Variants in FZD6 observed in about 807,000 individuals in gnomAD.
FZD6 encodes frizzled-6.
Under a neutral mutation model 61.4 loss-of-function variants are expected in FZD6, and 49 were observed. That is an observed-to-expected ratio of 0.80 (90% CI 0.63 to 1.01). FZD6 has a LOEUF of 1.01. Among genes scored for constraint, FZD6 ranks in the 50% least tolerant of loss-of-function variants. The pLI is 0.00. For synonymous variants in FZD6, 265 were observed against 292.2 expected, an observed-to-expected ratio of 0.91 and a Z score of 0.95; for missense variants, 724 against 848.2, an observed-to-expected ratio of 0.85 and a Z score of 1.82.
chr8:103,328,141 T>C (rs536810006), intron 4 of FZD6, 127 bp from the exon 5 acceptor site: 1 of 718,484 alleles, frequency 1.4e-6, no homozygotes, highest in East Asian at 2.7e-5. Context: ...CTTCATTATA[T>C]TATTTCAAAC....
chr8:103,328,288 A>G lies in FZD6; in HGVS notation c.1413A>G (p.Pro471=). 1 of 1,611,888 alleles carries G rather than the reference A, an allele frequency of 6.2e-7. No homozygotes were observed. Among genetic ancestry groups the G allele is most frequent in the Non-Finnish European group, 8.5e-7 (1 of 1,178,040 alleles). ...CPYQAKAKAR[P]ELALFMIKYL... ...TGTAGGCAAAAGCAAAAGCTCGACC[A>G]GAATTGGCTTTATTTATGATAAAAT... Residue 471 remains proline, a synonymous_variant, in exon 5 of 7, where the codon CCA becomes CCG. Coordinates refer to ENST00000358755, the MANE Select transcript of FZD6 (RefSeq NM_003506.4).
At chr8:103,300,307 A>G (rs779974159) in intron 2 of FZD6, 23 bp downstream of exon 2, 1 of 1,483,558 alleles carries the variant, frequency 6.7e-7, no homozygotes, top group Middle Eastern at 1.7e-4. Context: ...TCATACGTTT[A>G]TTGAATAGTA....
At chr8:103,310,838 G>A (rs1025025353) in intron 2 of FZD6, among the ~76,000 whole-genome samples, 31 of 152,172 alleles carry the variant, frequency 2.0e-4, no homozygotes, top group South Asian at 4.1e-4. Context: ...TTTGCCATGG[G>A]TTGCCAGATT....
intron 3 of FZD6, among the ~76,000 whole-genome samples, chr8:103,324,076 T>C (rs999200699): frequency 3.3e-5 from 5 of 152,218 alleles, no homozygotes; most frequent in African/African-American, 1.2e-4. Flanking sequence ...AGACAAGATA[T>C]ATTTCATATG....
chr8:103,330,559 T>C (rs921239258), intron 6 of FZD6, among the ~76,000 whole-genome samples: 16 of 152,208 alleles, frequency 1.1e-4, no homozygotes, highest in African/African-American at 3.6e-4. Flanking sequence ...ATCTCAAGGT[T>C]ATCTTACCTA....
chr8:103,324,626 A>G lies in FZD6; in HGVS notation c.520A>G (p.Lys174Glu), dbSNP rs764810706. Residue 174 changes from lysine (K) to glutamate (E), a missense_variant, in exon 4 of 7, where the codon AAG (lysine) becomes GAG (glutamate). By Grantham distance (56) the Lys-to-Glu change is moderately conservative. Coordinates refer to ENST00000358755, the MANE Select transcript of FZD6 (RefSeq NM_003506.4). ...TAAGACTTCTGGGGGACAAGGATAT[A>G]AGTTTCTGGGAATTGACCAGTGTGC... Reference protein sequence around the residue: ...HLKTSGGQGYKFLGIDQCAPP... With the variant: ...HLKTSGGQGYEFLGIDQCAPP... The G allele has an allele frequency of 6.2e-7, 1 of 1,614,184 alleles. No homozygotes were observed. Among genetic ancestry groups the G allele is most frequent in the Non-Finnish European group, 8.5e-7 (1 of 1,180,016 alleles).
intron 2 of FZD6, among the ~76,000 whole-genome samples, chr8:103,317,150 C>G (rs1186828542): frequency 6.6e-6 from 1 of 152,150 alleles, no homozygotes; most frequent in South Asian, 2.1e-4. Context: ...GGGCACAAGA[C>G]TCACTATCTG....
chr8:103,325,692 T>C (rs1309082427), intron 4 of FZD6, among the ~76,000 whole-genome samples, 194 bp downstream of exon 4: 1 of 152,212 alleles, frequency 6.6e-6, no homozygotes, highest in Non-Finnish European at 1.5e-5. Flanking sequence ...TTAGCTTCAG[T>C]TGTATAGTAA....
Position 103,324,908 on chromosome 8 carries a change from GA to G in FZD6, c.804del (p.Glu268AspfsTer8). ...TACNKADEKL[E>X]LGDTVVLGSQ... ...CTGCAATAAGGCAGATGAGAAGCTA[GA>G]ACTTGGTGACACTGTTGTCCTAGGC... On this transcript the variant is annotated frameshift_variant, in exon 4 of 7. Transcript: ENST00000358755. LOFTEE classifies it high-confidence loss of function. The G allele has an allele frequency of 6.2e-7, 1 of 1,614,078 alleles. No homozygotes were observed. Among genetic ancestry groups the G allele is most frequent in the Non-Finnish European group, 8.5e-7 (1 of 1,179,946 alleles).
At chr8:103,310,590 C>T (rs1814468066) in intron 2 of FZD6, among the ~76,000 whole-genome samples, 2 of 152,086 alleles carry the variant, frequency 1.3e-5, no homozygotes, top group African/African-American at 4.8e-5. Context: ...CACCTTGAGT[C>T]AAAAATTCAG....
intron 2 of FZD6, among the ~76,000 whole-genome samples, chr8:103,313,771 TGTG>T (rs1814559876): frequency 8.1e-6 from 1 of 123,960 alleles, no homozygotes; most frequent in Non-Finnish European, 1.6e-5. Flanking sequence ...TGTGTGTGTG[TGTG>T]TGTGTGTGTG....
intron 2 of FZD6, among the ~76,000 whole-genome samples, chr8:103,308,622 G>A (rs28531973): frequency 0.024 from 3,673 of 152,264 alleles, 113 homozygotes; most frequent in African/African-American, 0.072. Context: ...GCTTGAAGAC[G>A]TAGGTGTGTT....
In FZD6 at chr8:103,325,793, A is replaced by G. The variant is rs571526979; in HGVS notation, c.1392+295A>G. ...CAGAGTCAGAAGAACAGACCTTGAC[A>G]TTGGGAGAAAAACAGAAGTCACTTT... On this transcript the variant is annotated intron_variant, in intron 4 of 6. Transcript: ENST00000358755. 6.6e-5 allele frequency among the ~76,000 whole-genome samples: 10 copies of G among 152,366 alleles called. No individual in the cohort carries two copies. In the South Asian group the frequency reaches 2.1e-3, roughly 32 times the overall value.
At chr8:103,316,757 C>T (rs1375404853) in intron 2 of FZD6, among the ~76,000 whole-genome samples, 1 of 151,736 alleles carries the variant, frequency 6.6e-6, no homozygotes, top group Non-Finnish European at 1.5e-5. Flanking sequence ...GTTTTTTTCC[C>T]CCCTCTGGAA....
intron 2 of FZD6, chr8:103,307,873 TGG>T (rs1211006778): frequency 2.2e-6 from 1 of 456,026 alleles, no homozygotes; most frequent in Non-Finnish European, 4.4e-6. Context: ...GCTAAGATGC[TGG>T]CACAGGTATG....
At chr8:103,316,290 A>G (rs1238413650) in intron 2 of FZD6, among the ~76,000 whole-genome samples, 1 of 152,206 alleles carries the variant, frequency 6.6e-6, no homozygotes, top group African/African-American at 2.4e-5. Flanking sequence ...CTAGTGCTCA[A>G]AATAACATAT....
chr8:103,309,774 A>G (rs375768170), intron 2 of FZD6, among the ~76,000 whole-genome samples: 5 of 152,206 alleles, frequency 3.3e-5, no homozygotes, highest in African/African-American at 1.2e-4. Flanking sequence ...GTCTCTCTGA[A>G]GCTAGCACAC....
intron 2 of FZD6, among the ~76,000 whole-genome samples, chr8:103,313,059 C>T (rs1042008334): frequency 6.6e-6 from 1 of 152,148 alleles, no homozygotes; most frequent in African/African-American, 2.4e-5. Flanking sequence ...AGAGGACATA[C>T]TCTGGAGTCC....
intron 2 of FZD6, among the ~76,000 whole-genome samples, chr8:103,303,957 C>T (rs1814254662): frequency 1.3e-5 from 2 of 151,506 alleles, no homozygotes. Flanking sequence ...TACTTTAGTC[C>T]TTAAGTGTAT....
Sources: allele counts gnomAD v4.1 joint callset (sites outside exome capture counted in the v4.1 genomes callset), GRCh38; gene constraint gnomAD v4.1.1; transcripts MANE v1.5; gene names NCBI Gene and HGNC (gene_info 2026-07-23, HGNC 2026-07-21).